SGCD: variants seen among roughly 807,000 people sequenced by gnomAD.
SGCD encodes the protein sarcoglycan delta.
SGCD carries 18 observed loss-of-function variants against 36.6 expected under a neutral mutation model. The observed-to-expected ratio is 0.49, with a 90% CI of 0.34 to 0.73. The LOEUF (loss-of-function observed/expected upper bound fraction) is 0.73. SGCD is among the 30% of genes least tolerant of loss of function. The pLI is 0.01. For synonymous variants in SGCD, 133 were observed against 130.6 expected (o/e 1.02, Z -0.12); for missense variants, 387 against 346.7 (o/e 1.12, Z -0.92).
intron 3 of SGCD, among the ~76,000 whole-genome samples, chr5:156,144,341 T>G (rs921356630): frequency 2.6e-5 from 4 of 152,156 alleles, no homozygotes; most frequent in East Asian, 1.9e-4. Flanking sequence ...TGAACTAGTT[T>G]ACAGTCCCAC....
rs573205928 is a variant in SGCD, at chr5:156,698,809, G to A, written c.575+51273G>A. ...TGTACAAGAGAAGTCAGTAATATCC[G>A]GCTTATTATATTTTGAAAACTAAAT... On this transcript the variant is annotated intron_variant, in intron 7 of 8. Transcript: ENST00000337851. Among the ~76,000 whole-genome samples the A allele has an allele frequency of 1.8e-4, 27 of 147,076 alleles. No homozygotes were observed. The South Asian group carries it at 2.2e-3, about 12-fold the overall frequency.
chr5:156,446,101 A>G (rs1753746877), intron 3 of SGCD, among the ~76,000 whole-genome samples: 1 of 152,110 alleles, frequency 6.6e-6, no homozygotes, highest in Non-Finnish European at 1.5e-5. Context: ...CACTTGCTGA[A>G]TAGACAAAAT....
At chr5:156,141,958 T>C (rs187966042) in intron 3 of SGCD, among the ~76,000 whole-genome samples, 1 of 152,328 alleles carries the variant, frequency 6.6e-6, no homozygotes, top group Admixed American at 6.5e-5. Flanking sequence ...TTCAGCCTGA[T>C]ATGGTTTGGA....
intron 3 of SGCD, among the ~76,000 whole-genome samples, chr5:156,212,246 T>C (rs963161599): frequency 2.0e-5 from 3 of 152,210 alleles, no homozygotes; most frequent in African/African-American, 7.2e-5. Flanking sequence ...AAGATCTAAA[T>C]GTATGCCATC....
chr5:155,731,222 A>G, the SGCD span, among the ~76,000 whole-genome samples: 1 of 152,030 alleles, frequency 6.6e-6, no homozygotes, highest in Non-Finnish European at 1.5e-5. Flanking sequence ...CAAGAAAGTT[A>G]CAGGGTAGAC....
chr5:155,800,039 G>A, the SGCD span, among the ~76,000 whole-genome samples: 2,573 of 151,808 alleles, frequency 0.017, 83 homozygotes, highest in African/African-American at 0.058. Context: ...GGCTTGTCTC[G>A]AACTCCTGAC....
the SGCD span, among the ~76,000 whole-genome samples, chr5:155,792,200 T>C: frequency 2.6e-5 from 4 of 152,102 alleles, no homozygotes; most frequent in Middle Eastern, 3.2e-3. Context: ...TGGCTGTCCA[T>C]ATGCAGAAGA....
At chr5:155,832,496 A>G in the SGCD span, among the ~76,000 whole-genome samples, 1 of 151,928 alleles carries the variant, frequency 6.6e-6, no homozygotes, top group Non-Finnish European at 1.5e-5. Flanking sequence ...GCTCCAGTCT[A>G]TTTTTCAGGA....
chr5:156,045,242 C>T (rs1019255263), intron 1 of SGCD, among the ~76,000 whole-genome samples: 2 of 152,120 alleles, frequency 1.3e-5, no homozygotes, highest in African/African-American at 4.8e-5. Flanking sequence ...AATGAACTTT[C>T]AACAAAAGTT....
chr5:156,302,495 A>C (rs1767079526), intron 3 of SGCD, among the ~76,000 whole-genome samples: 1 of 151,738 alleles, frequency 6.6e-6, no homozygotes, highest in African/African-American at 2.4e-5. Flanking sequence ...TATATCTCTC[A>C]CTCCTAGATT....
At chr5:156,758,134 G>C (rs1757408231) in intron 8 of SGCD, 3 of 428,484 alleles carry the variant, frequency 7.0e-6, no homozygotes, top group Non-Finnish European at 9.4e-6. Flanking sequence ...TTGAACAGCT[G>C]TCCCAACCAG....
intron 6 of SGCD, among the ~76,000 whole-genome samples, chr5:156,609,307 T>G (rs1019668892): frequency 5.5e-4 from 83 of 152,216 alleles, no homozygotes; most frequent in African/African-American, 1.9e-3. Flanking sequence ...CTTATGAAGC[T>G]TAGTTTGGCT....
At chr5:156,417,583 C>T (rs1351619221) in intron 3 of SGCD, among the ~76,000 whole-genome samples, 1 of 152,068 alleles carries the variant, frequency 6.6e-6, no homozygotes, top group East Asian at 1.9e-4. Flanking sequence ...GGTCTGGCAG[C>T]ATTTGATTTC....
At chr5:156,525,364 A>G (rs927899915) in intron 4 of SGCD, among the ~76,000 whole-genome samples, 4 of 152,076 alleles carry the variant, frequency 2.6e-5, no homozygotes, top group Admixed American at 1.3e-4. Context: ...GGTCAGTTGT[A>G]TGTCTTCTTT....
intron 3 of SGCD, among the ~76,000 whole-genome samples, chr5:156,226,799 A>G (rs930969246): frequency 3.9e-5 from 6 of 152,118 alleles, no homozygotes; most frequent in African/African-American, 1.2e-4. Flanking sequence ...TGCAGGGGTA[A>G]GGTGGTATTG....
At chr5:156,055,326 C>T (rs1022691365) in intron 1 of SGCD, among the ~76,000 whole-genome samples, 3 of 145,788 alleles carry the variant, frequency 2.1e-5, no homozygotes, top group Non-Finnish European at 3.1e-5. Flanking sequence ...GACATCTATG[C>T]GGGTCACTTC....
intron 3 of SGCD, among the ~76,000 whole-genome samples, chr5:156,257,135 C>T (rs1167972250): frequency 6.6e-6 from 1 of 151,130 alleles, no homozygotes; most frequent in African/African-American, 2.4e-5. Context: ...GAGCCCATAC[C>T]ACTGTACTCC....
chr5:156,343,974 A>G (rs1242595932), intron 2 of SGCD, among the ~76,000 whole-genome samples: 1 of 152,160 alleles, frequency 6.6e-6, no homozygotes, highest in Non-Finnish European at 1.5e-5. Flanking sequence ...TTAAATCTGA[A>G]ATAGAGGAGC....
chr5:155,772,576 T>G, the SGCD span, among the ~76,000 whole-genome samples: 1 of 152,104 alleles, frequency 6.6e-6, no homozygotes, highest in Non-Finnish European at 1.5e-5. Flanking sequence ...CTCCTTTACT[T>G]TAGCTATGTA....
Sources: gnomAD v4.1 joint callset for allele counts (sites outside exome capture counted in the v4.1 genomes callset) on GRCh38, gnomAD v4.1.1 for gene constraint, MANE v1.5 for transcripts, NCBI Gene and HGNC (gene_info 2026-07-23, HGNC 2026-07-21) for gene names.